The following RBFOX1 variants were observed in gnomAD, a reference collection of about 807,000 sequenced individuals.
The protein encoded by RBFOX1 is RNA binding protein fox-1 homolog 1.
In RBFOX1, 8 loss-of-function variants were observed where a neutral mutation model predicts 57.7. The observed-to-expected ratio is 0.14, with a 90% CI of 0.08 to 0.25. RBFOX1 has a LOEUF of 0.25. Among genes scored for constraint, RBFOX1 ranks in the 10% least tolerant of loss-of-function variants. The pLI, the probability that RBFOX1 is intolerant of heterozygous loss-of-function variation, is 1.00. For missense variants in RBFOX1, 611 were observed against 548.5 expected, an observed-to-expected ratio of 1.11 and a Z score of -1.14; for synonymous variants, 326 against 222.4, an observed-to-expected ratio of 1.47 and a Z score of -4.15.
intron 3 of RBFOX1, among the ~76,000 whole-genome samples, chr16:5,640,864 A>G (rs539263509): frequency 8.6e-5 from 13 of 151,136 alleles, no homozygotes; most frequent in Admixed American, 3.3e-4. Flanking sequence ...CACCATGGAT[A>G]CACACACACA....
chr16:5,961,944 C>A lies in RBFOX1; in HGVS notation c.351+94609C>A, dbSNP rs910248000. ...TATCTTTCTCTAATGTAAAAAAGAT[C>A]CAGAAACAGGTAGGCTTTGATTAGT... On this transcript the variant is annotated intron_variant, in intron 4 of 19. Coordinates refer to the RBFOX1 transcript ENST00000641259. 3.2e-4 allele frequency among the ~76,000 whole-genome samples: 48 copies of A among 152,272 alleles called. 1 individual carries two copies. Among genetic ancestry groups the A allele is most frequent in the African/African-American group, 1.1e-3 (44 of 41,572 alleles).
At chr16:5,715,854 T>C (rs550620313) in intron 3 of RBFOX1, among the ~76,000 whole-genome samples, 80 of 152,326 alleles carry the variant, frequency 5.3e-4, no homozygotes, top group African/African-American at 1.8e-3. Context: ...TAATTGCATT[T>C]ACTGACTCCC....
At chr16:6,069,734 C>A (rs1174200406) in intron 1 of RBFOX1, among the ~76,000 whole-genome samples, 3 of 152,082 alleles carry the variant, frequency 2.0e-5, no homozygotes, top group Admixed American at 1.3e-4. Flanking sequence ...CACCTGTAAT[C>A]CCAACACTTT....
chr16:6,653,669 A>T (rs1051335225), intron 2 of RBFOX1, among the ~76,000 whole-genome samples: 15 of 149,728 alleles, frequency 1.0e-4, no homozygotes, highest in African/African-American at 3.7e-4. Context: ...GGGTGGGTGG[A>T]GGGATGAATG....
intron 3 of RBFOX1, among the ~76,000 whole-genome samples, chr16:6,789,633 T>G (rs1337262096): frequency 1.3e-5 from 2 of 152,350 alleles, no homozygotes; most frequent in African/African-American, 4.8e-5. Flanking sequence ...AAGGCATTTT[T>G]ACATTTGTGT....
chr16:6,929,052 C>T (rs897986970), intron 3 of RBFOX1, among the ~76,000 whole-genome samples: 6 of 152,218 alleles, frequency 3.9e-5, no homozygotes, highest in East Asian at 1.9e-4. Context: ...GTTAGGAAGA[C>T]GCCAGGAAAA....
intron 1 of RBFOX1, among the ~76,000 whole-genome samples, chr16:5,303,374 G>T (rs2063851645): frequency 6.6e-6 from 1 of 152,222 alleles, no homozygotes; most frequent in Admixed American, 6.5e-5. Context: ...TGCAGTAAAT[G>T]CTAGTCTTTT....
At chr16:6,374,739 G>C (rs1490789447) in intron 2 of RBFOX1, among the ~76,000 whole-genome samples, 2 of 152,200 alleles carry the variant, frequency 1.3e-5, no homozygotes, top group African/African-American at 4.8e-5. Flanking sequence ...GGCTGGTATT[G>C]AGTAATCGTA....
chr16:7,361,263 C>T (rs1038907512), intron 4 of RBFOX1, among the ~76,000 whole-genome samples: 2 of 152,194 alleles, frequency 1.3e-5, no homozygotes, highest in Non-Finnish European at 2.9e-5. Flanking sequence ...CACTTTGTAG[C>T]CATTCCGTCT....
At chr16:6,020,104 G>A (rs758537351) in intron 1 of RBFOX1, 112 bp downstream of exon 1, 297 of 1,202,978 alleles carry the variant, frequency 2.5e-4, no homozygotes, top group Non-Finnish European at 3.0e-4. Context: ...TCCTCCTAGC[G>A]CCAGTCTGGG....
chr16:6,555,926 C>G (rs114840959), intron 2 of RBFOX1, among the ~76,000 whole-genome samples: 4 of 152,082 alleles, frequency 2.6e-5, no homozygotes, highest in Non-Finnish European at 4.4e-5. Flanking sequence ...CATAGGCATT[C>G]GGAATATAGG....
chr16:5,886,846 C>T (rs1039178846), intron 4 of RBFOX1, among the ~76,000 whole-genome samples: 4 of 152,234 alleles, frequency 2.6e-5, no homozygotes, highest in Non-Finnish European at 5.9e-5. Flanking sequence ...CGAGATTGTG[C>T]CACAGCATTC....
rs921488596 is a variant in RBFOX1 at position 5,396,966 on chromosome 16, C to T, written c.220-70250C>T. On this transcript the variant is annotated intron_variant, in intron 1 of 2. Coordinates refer to the RBFOX1 transcript ENST00000585867. ...CCCTGGATATGTTTATACCTCCCAG[C>T]CTTCCTGTAGTCAGACCAGTTTCTT... Among the ~76,000 whole-genome samples the T allele has an allele frequency of 6.6e-5, 10 of 152,180 alleles. 1 individual carries two copies. In the South Asian group the frequency reaches 1.0e-3, roughly 16 times the overall value.
At chr16:6,504,094 G>C (rs2096019936) in intron 2 of RBFOX1, among the ~76,000 whole-genome samples, 2 of 152,198 alleles carry the variant, frequency 1.3e-5, no homozygotes, top group South Asian at 4.1e-4. Context: ...TGTTCCTTCA[G>C]TGAAATGGCA....
At chr16:6,913,528 G>A (rs547088804) in intron 3 of RBFOX1, among the ~76,000 whole-genome samples, 1 of 152,272 alleles carries the variant, frequency 6.6e-6, no homozygotes, top group African/African-American at 2.4e-5. Context: ...CCGATGCCCA[G>A]CACTGAGCCC....
intron 4 of RBFOX1, among the ~76,000 whole-genome samples, chr16:7,451,827 G>A (rs28430461): frequency 0.42 from 63,717 of 151,538 alleles, 13,792 homozygotes; most frequent in Non-Finnish European, 0.48. Flanking sequence ...TCACCTCCCA[G>A]TTCCCTAATC....
chr16:5,937,826 A>G (rs1363628458), intron 4 of RBFOX1, among the ~76,000 whole-genome samples: 1 of 150,608 alleles, frequency 6.6e-6, no homozygotes, highest in African/African-American at 2.4e-5. Flanking sequence ...ATATGTTCAT[A>G]GTATACATAC....
Position 5,598,798 on chromosome 16 carries a change from G to C in RBFOX1, c.259-104G>C, listed in dbSNP as rs2047271008. 24 of 850,120 alleles carry C rather than the reference G, an allele frequency of 2.8e-5. No individual in the cohort carries two copies. In the South Asian group the frequency reaches 4.4e-4, roughly 15 times the overall value. The allele number at this position is 850,120 out of a possible 1,614,324, so 52.7% of individuals were successfully genotyped here. A position where few individuals can be genotyped will look rare whatever the true frequency, so the allele number is the denominator to read the frequency against. On this transcript the variant is annotated intron_variant, in intron 2 of 2. Coordinates refer to the RBFOX1 transcript ENST00000585867. Reference sequence around the variant, plus strand: ...ACAGAGGGTACTGTGGCTAAACGTGGTGAGACATTCTGGGTTGTGCTAAAC... The same window carrying C: ...ACAGAGGGTACTGTGGCTAAACGTGCTGAGACATTCTGGGTTGTGCTAAAC...
At chr16:7,285,297 G>C (rs2095627899) in intron 4 of RBFOX1, among the ~76,000 whole-genome samples, 1 of 151,940 alleles carries the variant, frequency 6.6e-6, no homozygotes, top group Middle Eastern at 3.4e-3. Flanking sequence ...CAAAATTAAA[G>C]TACAGTGATC....
Sources: allele counts gnomAD v4.1 joint callset (sites outside exome capture counted in the v4.1 genomes callset), GRCh38; gene constraint gnomAD v4.1.1; transcripts MANE v1.5; gene names NCBI Gene and HGNC (gene_info 2026-07-23, HGNC 2026-07-21).